The following GABRA3 variants were observed in gnomAD, a reference collection of about 807,000 sequenced individuals.
GABRA3 encodes gamma-aminobutyric acid type A receptor subunit alpha3.
A neutral mutation model predicts 30.1 loss-of-function variants in GABRA3; 10 were observed. The observed-to-expected ratio is 0.33, with a 90% CI of 0.20 to 0.56. The LOEUF (loss-of-function observed/expected upper bound fraction) is 0.56, where lower values mean the gene tolerates loss of function less well. Ranked by LOEUF, GABRA3 falls within the 20% of genes least tolerant of loss-of-function variation. The probability of loss-of-function intolerance (pLI) is 0.89; values close to 1 mark genes in which losing one functional copy is unlikely to be tolerated. For synonymous variants in GABRA3, 151 were observed against 146.8 expected, an observed-to-expected ratio of 1.03 and a Z score of -0.21; for missense variants, 233 against 392.0, an observed-to-expected ratio of 0.59 and a Z score of 3.42.
At chrX:152,184,456 T>C (rs921508616) in intron 9 of GABRA3, among the ~76,000 whole-genome samples, 12 of 111,172 alleles carry the variant, frequency 1.1e-4, no homozygotes, top group Non-Finnish European at 2.3e-4. Context: ...AATGTCAGTA[T>C]GCAAAAACTT....
Position 152,406,836 on chromosome X carries a change from G to C in GABRA3, c.-26-42240C>G, listed in dbSNP as rs770378628. ...ACTAAGCACATGGAACATTCTCAAG[G>C]ATAGACCATATGTTAGGCCACAAAG... On this transcript the variant is annotated intron_variant, in intron 1 of 9. Transcript: ENST00000370314. Among the ~76,000 whole-genome samples, 15 of 110,515 alleles carry C rather than the reference G, an allele frequency of 1.4e-4. No homozygotes were observed. In the East Asian group the frequency reaches 4.3e-3, roughly 31 times the overall value.
chrX:152,210,972 G>T (rs1190690164), intron 6 of GABRA3, among the ~76,000 whole-genome samples: 3 of 111,256 alleles, frequency 2.7e-5, no homozygotes, highest in African/African-American at 9.8e-5. Context: ...TGCGAAATGT[G>T]ATTTCACAAG....
chrX:152,212,839 T>G (rs1286758626), intron 6 of GABRA3, among the ~76,000 whole-genome samples: 2 of 111,765 alleles, frequency 1.8e-5, no homozygotes, highest in Non-Finnish European at 3.8e-5. Flanking sequence ...GGGAGCAGAA[T>G]TCTTCCCAGT....
At chrX:152,310,367 A>G (rs765915732) in intron 3 of GABRA3, among the ~76,000 whole-genome samples, 66 of 112,625 alleles carry the variant, frequency 5.9e-4, no homozygotes, top group Non-Finnish European at 1.1e-3. Context: ...CCTAAACTGA[A>G]CTACATTCTT....
chrX:152,317,666 C>T (rs1199815785), intron 3 of GABRA3, among the ~76,000 whole-genome samples: 3 of 111,844 alleles, frequency 2.7e-5, no homozygotes. Flanking sequence ...CCAAAAGGAA[C>T]CTTCAAAACC....
intron 4 of GABRA3, among the ~76,000 whole-genome samples, chrX:152,263,737 A>G (rs1938772537): frequency 8.9e-6 from 1 of 111,759 alleles, no homozygotes; most frequent in Admixed American, 9.5e-5. Context: ...AAGGTTATAG[A>G]ACATCAACCA....
chrX:152,422,186 A>G (rs1402192332), intron 1 of GABRA3, among the ~76,000 whole-genome samples: 7 of 111,764 alleles, frequency 6.3e-5, no homozygotes, highest in Admixed American at 5.7e-4. Flanking sequence ...TAATTGTGGT[A>G]TATTTATAGA....
intron 3 of GABRA3, among the ~76,000 whole-genome samples, chrX:152,287,677 T>A (rs1235378320): frequency 9.0e-6 from 1 of 111,561 alleles, no homozygotes; most frequent in East Asian, 2.8e-4. Flanking sequence ...AGTTAATGGG[T>A]AGGATGGCTT....
intron 9 of GABRA3, among the ~76,000 whole-genome samples, chrX:152,182,298 G>GTT (rs1357599643): frequency 2.1e-5 from 2 of 93,603 alleles, no homozygotes; most frequent in African/African-American, 4.4e-5. Context: ...TGCCTGACGT[G>GTT]TTATATATAT....
intron 3 of GABRA3, among the ~76,000 whole-genome samples, chrX:152,328,302 C>A (rs763104588): frequency 1.8e-5 from 2 of 111,853 alleles, no homozygotes; most frequent in South Asian, 7.5e-4. Flanking sequence ...CCTTCTGAAA[C>A]TATTCCAATC....
intron 6 of GABRA3, among the ~76,000 whole-genome samples, chrX:152,213,595 A>G (rs184771353): frequency 3.7e-4 from 41 of 111,319 alleles, no homozygotes; most frequent in African/African-American, 1.3e-3. Context: ...AACCTCCGCA[A>G]CCCCCCAAAA....
intron 4 of GABRA3, among the ~76,000 whole-genome samples, chrX:152,262,419 A>G (rs1938746654): frequency 8.9e-6 from 1 of 112,286 alleles, no homozygotes; most frequent in African/African-American, 3.2e-5. Context: ...CACCTCTTGA[A>G]TGCTTTGCCA....
At chrX:152,193,977 A>G (rs1420105034) in intron 8 of GABRA3, among the ~76,000 whole-genome samples, 3 of 112,284 alleles carry the variant, frequency 2.7e-5, no homozygotes, top group Non-Finnish European at 5.6e-5. Context: ...AGCCTGGGCA[A>G]CAGGGTGAGA....
intron 5 of GABRA3, among the ~76,000 whole-genome samples, chrX:152,252,871 AT>A (rs1227997423): frequency 1.3e-4 from 15 of 111,464 alleles, no homozygotes; most frequent in Non-Finnish European, 2.5e-4. Flanking sequence ...GGAAGGCAAC[AT>A]GGCAAATTAT....
chrX:152,241,001 A>C (rs1388527467), intron 5 of GABRA3, among the ~76,000 whole-genome samples: 3 of 107,361 alleles, frequency 2.8e-5, no homozygotes, highest in African/African-American at 1.0e-4. Context: ...AGCTCGTCAA[A>C]GTCATTCTCC....
intron 4 of GABRA3, among the ~76,000 whole-genome samples, chrX:152,261,493 C>T (rs1216189946): frequency 8.9e-6 from 1 of 112,030 alleles, no homozygotes; most frequent in African/African-American, 3.2e-5. Context: ...TGCATCCATT[C>T]CAAATGAGAG....
At chrX:152,437,529 G>T (rs926549800) in intron 1 of GABRA3, among the ~76,000 whole-genome samples, 8 of 111,360 alleles carry the variant, frequency 7.2e-5, no homozygotes, top group African/African-American at 2.6e-4. Flanking sequence ...TCAATAAACA[G>T]ATGCTGAAGT....
chrX:152,391,339 C>A (rs1177176885), intron 1 of GABRA3, among the ~76,000 whole-genome samples: 1 of 111,692 alleles, frequency 9.0e-6, no homozygotes, highest in Admixed American at 9.6e-5. Context: ...CGTGCTCAGT[C>A]TACCATGGAG....
At chrX:152,426,333 T>A (rs1352635907) in intron 1 of GABRA3, among the ~76,000 whole-genome samples, 2 of 111,927 alleles carry the variant, frequency 1.8e-5, no homozygotes, top group African/African-American at 3.2e-5. Flanking sequence ...ATGTTTAGTA[T>A]GTAAAGGAAG....
Sources: gnomAD v4.1 joint callset for allele counts (sites outside exome capture counted in the v4.1 genomes callset) on GRCh38, gnomAD v4.1.1 for gene constraint, MANE v1.5 for transcripts, NCBI Gene and HGNC (gene_info 2026-07-23, HGNC 2026-07-21) for gene names.